ANTKMT: variants seen among roughly 807,000 people sequenced by gnomAD.
ANTKMT encodes the protein adenine nucleotide translocase lysine methyltransferase.
A neutral mutation model predicts 20.7 loss-of-function variants in ANTKMT; 24 were observed. The observed-to-expected ratio is 1.16, with a 90% CI of 0.84 to 1.63. The LOEUF is 1.63. Ranked by LOEUF, ANTKMT falls within the 40% of genes most tolerant of loss-of-function variation. The probability of loss-of-function intolerance (pLI) is 0.00; values close to 1 mark genes in which losing one functional copy is unlikely to be tolerated. For synonymous variants in ANTKMT, 193 were observed against 161.2 expected, an observed-to-expected ratio of 1.20 and a Z score of -1.49; for missense variants, 428 against 334.8, an observed-to-expected ratio of 1.28 and a Z score of -2.17.
At position 722,301 on chromosome 16, in the gene ANTKMT, T is replaced by C. The variant is rs755973815; in HGVS notation, c.460-8T>C. ...CCGCCCCCTCTACTCTGCTGTTCTCTCCCTCAGCTCCCGCTGCTGGAGGAC... is the reference window on the plus strand; with the variant it reads ...CCGCCCCCTCTACTCTGCTGTTCTCCCCCTCAGCTCCCGCTGCTGGAGGAC... On this transcript the variant is annotated splice_polypyrimidine_tract_variant and splice_region_variant and intron_variant, in intron 4 of 4. Transcript: ENST00000569529. The C allele has an allele frequency of 6.2e-7, 1 of 1,606,312 alleles. No homozygotes were observed. The highest frequency in any genetic ancestry group is 8.5e-7 in the Non-Finnish European group (1 of 1,176,944).
At chr16:721,491 A>G (rs1012138397) in intron 1 of ANTKMT, 55 bp downstream of exon 1, 9 of 1,400,756 alleles carry the variant, frequency 6.4e-6, no homozygotes, top group Non-Finnish European at 7.4e-6. Flanking sequence ...CAGGGTCTCA[A>G]GGTCTGGGCG....
chr16:721,374 GC>G lies in ANTKMT; in HGVS notation c.102del (p.Tyr35ThrfsTer72), dbSNP rs912847275. The G allele has an allele frequency of 8.8e-5, 116 of 1,323,818 alleles. No individual in the cohort carries two copies. In the Middle Eastern group the frequency reaches 1.1e-3, roughly 13 times the overall value. The allele number at this position is 1,323,818 out of a possible 1,614,324, so 82.0% of individuals were successfully genotyped here. On this transcript the variant is annotated frameshift_variant, in exon 1 of 5. Coordinates refer to ENST00000569529, the MANE Select transcript of ANTKMT (RefSeq NM_023933.3). LOFTEE classifies it high-confidence loss of function. ...GGCGGCGGCCGGCTCGGGCTTGGCA[GC>G]CTACGCGGTGTGGGCGCTGCTGCTC... ...LQAAAGSGLA[A>X]YAVWALLLQP...
rs766556681 is a variant in ANTKMT at position 721,832 on chromosome 16, C to G, written c.299C>G (p.Pro100Arg). The change falls in exon 3 of 5, where the codon CCG becomes CGG. Residue 100 changes from proline to arginine, a missense_variant. Pro to Arg is a moderately radical substitution (Grantham distance 103, BLOSUM62 -2). Transcript: ENST00000569529. ...VLAAHRCGLR[P>R]AVGYELNPWL... The stretch of plus-strand genomic sequence containing the variant: ...GCGGCCCACAGGTGCGGCCTCCGCC[C>G]GGCCGTGGGCTACGAGCTGAACCCC... 3.7e-5 allele frequency: 58 copies of G among 1,557,898 alleles called. No homozygotes were observed. Among genetic ancestry groups the G allele is most frequent in the Non-Finnish European group, 3.5e-5 (40 of 1,156,750 alleles).
chr16:722,325 A>G lies in ANTKMT; in HGVS notation c.476A>G (p.Asp159Gly). ...LAPSVLPLLEDKLRTELPAGA... is the reference protein window; with the variant it reads ...LAPSVLPLLEGKLRTELPAGA... ...CTCCCTCAGCTCCCGCTGCTGGAGGACAAGCTGCGGACAGAGCTGCCTGCT... is the reference window on the plus strand; with the variant it reads ...CTCCCTCAGCTCCCGCTGCTGGAGGGCAAGCTGCGGACAGAGCTGCCTGCT... Residue 159 changes from aspartate to glycine, a missense_variant, in exon 5 of 5, where the codon GAC (aspartate) becomes GGC (glycine). Transcript: ENST00000569529. The G allele has an allele frequency of 1.2e-6, 2 of 1,609,068 alleles. No homozygotes were observed. The highest frequency in any genetic ancestry group is 1.7e-6 in the Non-Finnish European group (2 of 1,178,472).
chr16:722,150 C>G lies in ANTKMT; in HGVS notation c.459+16C>G, dbSNP rs754189763. 120 of 1,601,926 alleles carry G rather than the reference C, an allele frequency of 7.5e-5. No homozygotes were observed. The highest frequency in any genetic ancestry group is 9.9e-5 in the Non-Finnish European group (117 of 1,176,870). ...CCCTAGCGTGGTAGGTGCGGGGTTG[C>G]CAGCCCCGCTGGGAAGCCCCAGCCA... On this transcript the variant is annotated intron_variant, in intron 4 of 4. Coordinates refer to ENST00000569529, the MANE Select transcript of ANTKMT (RefSeq NM_023933.3).
chr16:722,506 C>G lies in ANTKMT; in HGVS notation c.657C>G (p.Pro219=). ...ASSRIPIQAA[P]GPSSAPIPGG... ...CGCGGATACCCATCCAGGCTGCCCC[C>G]GGACCTAGTTCTGCCCCCATCCCGG... is the stretch of plus-strand genomic sequence containing the variant. The change falls in exon 5 of 5, where the codon CCC becomes CCG. Residue 219 remains proline, a synonymous_variant. Coordinates refer to ENST00000569529, the MANE Select transcript of ANTKMT (RefSeq NM_023933.3). 2 of 1,612,142 alleles carry G rather than the reference C, an allele frequency of 1.2e-6. No homozygotes were observed. The highest frequency in any genetic ancestry group is 2.2e-5 in the East Asian group (1 of 44,850).
Position 722,077 on chromosome 16 carries a change from C to T in ANTKMT, c.409-7C>T. On this transcript the variant is annotated splice_polypyrimidine_tract_variant and splice_region_variant and intron_variant, in intron 3 of 4. Coordinates refer to ENST00000569529, the MANE Select transcript of ANTKMT (RefSeq NM_023933.3). ...CTCCCCGGCCGGGGCGACTTCTCTT[C>T]CGGCAGGTGAGCCTGAGGGACTGCC... is the stretch of plus-strand genomic sequence containing the variant. 3 of 1,603,460 alleles carry T rather than the reference C, an allele frequency of 1.9e-6. No homozygotes were observed. The highest frequency in any genetic ancestry group is 2.5e-6 in the Non-Finnish European group (3 of 1,177,114).
chr16:721,703 G>T lies in ANTKMT; in HGVS notation c.267+1G>T, dbSNP rs146136648. The T allele has an allele frequency of 2.5e-5, 38 of 1,548,632 alleles. No homozygotes were observed. The Admixed American group carries it at 6.7e-4, about 27-fold the overall frequency. On this transcript the variant is annotated splice_donor_variant, in intron 2 of 4. Coordinates refer to ENST00000569529, the MANE Select transcript of ANTKMT (RefSeq NM_023933.3). LOFTEE classifies it high-confidence loss of function. Reference sequence around the variant, plus strand: ...TCTGGGCTCTGGCGACGGCAGGATCGTAAGTGCCTGCGTCTGGGTCTTCGC... The same window carrying T: ...TCTGGGCTCTGGCGACGGCAGGATCTTAAGTGCCTGCGTCTGGGTCTTCGC...
Position 721,656 on chromosome 16 carries a change from G to T in ANTKMT, c.221G>T (p.Gly74Val). ...GAGCACGTGTTGTCGCTGCTGCGAG[G>T]ACGCCCCGGAAAAACGGTGGATCTG... ...QVEHVLSLLR[G>V]RPGKTVDLGS... Residue 74 changes from glycine to valine, a missense_variant, in exon 2 of 5, where the codon GGA becomes GTA. Physicochemically the swap from Gly to Val is moderately radical, Grantham distance 109. Coordinates refer to ENST00000569529, the MANE Select transcript of ANTKMT (RefSeq NM_023933.3). 6.4e-7 allele frequency: 1 copy of T among 1,550,720 alleles called. No individual in the cohort carries two copies. The highest frequency in any genetic ancestry group is 1.9e-4 in the Middle Eastern group (1 of 5,160).
chr16:721,240 G>A lies in ANTKMT; in HGVS notation c.-35G>A. ...GAGGGCCGCGGACCCGAGCCGGGAA[G>A]GACCTTGGGCGGACGAGCCGCGCGT... On this transcript the variant is annotated 5_prime_UTR_variant, in exon 1 of 5. Coordinates refer to ENST00000569529, the MANE Select transcript of ANTKMT (RefSeq NM_023933.3). The A allele has an allele frequency of 8.1e-7, 1 of 1,238,200 alleles. No homozygotes were observed. Among genetic ancestry groups the A allele is most frequent in the Non-Finnish European group, 1.0e-6 (1 of 989,386 alleles). The allele number at this position is 1,238,200 out of a possible 1,614,324, so 76.7% of individuals were successfully genotyped here. A position where few individuals can be genotyped will look rare whatever the true frequency, so the allele number is the denominator to read the frequency against.
chr16:722,534 G>T lies in ANTKMT; in HGVS notation c.685G>T (p.Gly229Cys). Residue 229 changes from glycine (G) to cysteine (C), a missense_variant, in exon 5 of 5, where the codon GGC becomes TGC. By Grantham distance (159) the Gly-to-Cys change is radical. Coordinates refer to ENST00000569529, the MANE Select transcript of ANTKMT (RefSeq NM_023933.3). ...PGPSSAPIPGGLISQAS is the reference protein window; with the variant it reads ...PGPSSAPIPGCLISQAS ...ACCTAGTTCTGCCCCCATCCCGGGGGGCCTTATTTCTCAGGCCAGCTGAGT... is the reference window on the plus strand; with the variant it reads ...ACCTAGTTCTGCCCCCATCCCGGGGTGCCTTATTTCTCAGGCCAGCTGAGT... 4 of 1,609,632 alleles carry T rather than the reference G, an allele frequency of 2.5e-6. No individual in the cohort carries two copies. The highest frequency in any genetic ancestry group is 3.4e-6 in the Non-Finnish European group (4 of 1,178,652).
intron 4 of ANTKMT, 44 bp from the exon 5 acceptor site, chr16:722,265 C>A (rs769558805): frequency 1.9e-6 from 3 of 1,590,568 alleles, no homozygotes; most frequent in South Asian, 1.1e-5. Context: ...TGTTTTCTAC[C>A]GGCCCCGCCC....
rs1310124034 is a variant in ANTKMT, at chr16:721,690, C to T, written c.255C>T (p.Gly85=). The T allele has an allele frequency of 6.5e-7, 1 of 1,549,832 alleles. No homozygotes were observed. Among genetic ancestry groups the T allele is most frequent in the Non-Finnish European group, 8.7e-7 (1 of 1,147,348 alleles). ...RPGKTVDLGS[G]DGRIVLAAHR... ...GAAAAACGGTGGATCTGGGCTCTGG[C>T]GACGGCAGGATCGTAAGTGCCTGCG... is the stretch of plus-strand genomic sequence containing the variant. The change falls in exon 2 of 5, where the codon GGC becomes GGT. Residue 85 remains glycine, a synonymous_variant. Transcript: ENST00000569529.
Position 721,748 on chromosome 16 carries a change from G to T in ANTKMT, c.267+46G>T, listed in dbSNP as rs750736654. On this transcript the variant is annotated intron_variant, in intron 2 of 4. Coordinates refer to ENST00000569529, the MANE Select transcript of ANTKMT (RefSeq NM_023933.3). ...CTTCGCCGCCCCACACCGCCCACCT[G>T]CTGGCGGGCGCCCCTGCCCACATCC... 40 of 1,538,938 alleles carry T rather than the reference G, an allele frequency of 2.6e-5. No homozygotes were observed. In the African/African-American group the frequency reaches 4.7e-4, roughly 18 times the overall value.
At chr16:722,248 G>T in intron 4 of ANTKMT, 61 bp from the exon 5 acceptor site, 1 of 1,586,156 alleles carries the variant, frequency 6.3e-7, no homozygotes. Context: ...AGGGGGGTGA[G>T]CGCGGCTGTT....
At chr16:721,994 C>T in intron 3 of ANTKMT, 53 bp downstream of exon 3, 1 of 1,551,402 alleles carries the variant, frequency 6.4e-7, no homozygotes, top group African/African-American at 1.3e-5. Context: ...CGGCTGACAC[C>T]TGCGAGGGCT....
rs1020097186 is a variant in ANTKMT at position 721,845 on chromosome 16, C to T, written c.312C>T (p.Tyr104=). The T allele has an allele frequency of 3.2e-6, 5 of 1,562,518 alleles. No homozygotes were observed. The African/African-American group carries it at 5.4e-5, about 17-fold the overall frequency. ...HRCGLRPAVG[Y]ELNPWLVALA... ...GCGGCCTCCGCCCGGCCGTGGGCTA[C>T]GAGCTGAACCCCTGGCTGGTGGCGC... Residue 104 remains tyrosine, a synonymous_variant, in exon 3 of 5, where the codon TAC becomes TAT. Coordinates refer to ENST00000569529, the MANE Select transcript of ANTKMT (RefSeq NM_023933.3).
In ANTKMT at chr16:722,080, GC is replaced by G; in HGVS notation, c.409-3del. 1 of 1,604,302 alleles carries G rather than the reference GC, an allele frequency of 6.2e-7. No individual in the cohort carries two copies. The highest frequency in any genetic ancestry group is 1.1e-5 in the South Asian group (1 of 89,560). On this transcript the variant is annotated splice_polypyrimidine_tract_variant and splice_region_variant and intron_variant, in intron 3 of 4. Transcript: ENST00000569529. The stretch of plus-strand genomic sequence containing the variant: ...CCCGGCCGGGGCGACTTCTCTTCCG[GC>G]AGGTGAGCCTGAGGGACTGCCGCAA...
rs1439313528 is a variant in ANTKMT, at chr16:721,921, C to G, written c.388C>G (p.Arg130Gly). ...RAGCAGSVCY[R>G]RKDLWKVSLR... is the part of the protein sequence containing the mutation. ...CGGCTGTGCCGGCAGCGTCTGCTAT[C>G]GCCGCAAGGATCTCTGGAAGGTAAC... Residue 130 changes from arginine to glycine, a missense_variant, in exon 3 of 5, where the codon CGC becomes GGC. By Grantham distance (125) the Arg-to-Gly change is moderately radical (BLOSUM62 -2). Transcript: ENST00000569529. 1 of 1,572,694 alleles carries G rather than the reference C, an allele frequency of 6.4e-7. No homozygotes were observed. Among genetic ancestry groups the G allele is most frequent in the African/African-American group, 1.3e-5 (1 of 74,744 alleles).
Sources: gnomAD v4.1 joint callset for allele counts on GRCh38, gnomAD v4.1.1 for gene constraint, MANE v1.5 for transcripts, NCBI Gene and HGNC (gene_info 2026-07-23, HGNC 2026-07-21) for gene names.